DNAJC6: variants seen among roughly 807,000 people sequenced by gnomAD.
The protein encoded by DNAJC6 is auxilin.
DNAJC6 carries 34 observed loss-of-function variants against 110.0 expected under a neutral mutation model. The ratio of observed to expected loss-of-function variants is 0.31; its 90% CI spans 0.24 to 0.41. The LOEUF is 0.41. DNAJC6 is among the 10% of genes least tolerant of loss of function. DNAJC6 has a pLI of 1.00. For missense variants in DNAJC6, 1,031 were observed against 1,207.8 expected, an observed-to-expected ratio of 0.85 and a Z score of 2.17; for synonymous variants, 406 against 437.2, an observed-to-expected ratio of 0.93 and a Z score of 0.89.
chr1:65,309,943 C>T lies in DNAJC6; in HGVS notation c.193+5C>T. 1 of 1,453,842 alleles carries T rather than the reference C, an allele frequency of 6.9e-7. No individual in the cohort carries two copies. Among genetic ancestry groups the T allele is most frequent in the Non-Finnish European group, 9.1e-7 (1 of 1,102,884 alleles). 90.1% of individuals were successfully genotyped at this position (1,453,842 alleles called of 1,614,324 possible). A position where few individuals can be genotyped will look rare whatever the true frequency, so the allele number is the denominator to read the frequency against. On this transcript the variant is annotated splice_donor_5th_base_variant and intron_variant, in intron 1 of 18. Transcript: ENST00000371069. ...CCAGCACCATGGACAGCTCAGGTAGCGCTGCCCGAGGGGAGTGCAGCGCTG... is the reference window on the plus strand; with the variant it reads ...CCAGCACCATGGACAGCTCAGGTAGTGCTGCCCGAGGGGAGTGCAGCGCTG...
At chr1:65,401,077 GA>G (rs1211128582) in intron 14 of DNAJC6, among the ~76,000 whole-genome samples, 4 of 151,962 alleles carry the variant, frequency 2.6e-5, no homozygotes, top group Admixed American at 6.5e-5. Context: ...GTGTTGTTAG[GA>G]TTTTTTTATA....
At chr1:65,384,703 A>G (rs1380679598) in intron 6 of DNAJC6, among the ~76,000 whole-genome samples, 3 of 152,060 alleles carry the variant, frequency 2.0e-5, no homozygotes, top group East Asian at 1.9e-4. Flanking sequence ...CCATGATTCA[A>G]TTACCTCCCA....
chr1:65,384,314 C>T lies in DNAJC6; in HGVS notation c.788C>T (p.Pro263Leu), dbSNP rs1461001065. The T allele has an allele frequency of 1.9e-6, 3 of 1,573,214 alleles. No homozygotes were observed. In the African/African-American group the frequency reaches 4.1e-5, roughly 22 times the overall value. ...YAKRPGIGLS[P>L]SHRRYLGYMC... ...AAGCGACCAGGAATTGGACTTTCAC[C>T]ATCCCATAGGAGGTAAAGTAAGCTA... The change falls in exon 6 of 19, where the codon CCA becomes CTA. Residue 263 changes from proline to leucine, a missense_variant. By Grantham distance (98) the Pro-to-Leu change is moderately conservative. Coordinates refer to ENST00000371069, the MANE Select transcript of DNAJC6 (RefSeq NM_001256864.2).
At chr1:65,335,800 A>T (rs1408413419) in intron 1 of DNAJC6, among the ~76,000 whole-genome samples, 5 of 152,100 alleles carry the variant, frequency 3.3e-5, no homozygotes, top group Admixed American at 6.5e-5. Context: ...GTGAGATGGG[A>T]AATGATTGGA....
At chr1:65,400,418 T>C (rs891283880) in intron 14 of DNAJC6, among the ~76,000 whole-genome samples, 2 of 152,194 alleles carry the variant, frequency 1.3e-5, no homozygotes, top group Admixed American at 6.5e-5. Context: ...AATGGATCTC[T>C]TGACTTATTC....
chr1:65,335,275 A>ATT (rs71056101), intron 1 of DNAJC6, among the ~76,000 whole-genome samples: 66,231 of 146,280 alleles, frequency 0.45, 15,645 homozygotes, highest in Non-Finnish European at 0.55. Flanking sequence ...CGCCCAGCTA[A>ATT]TTTTTTTTTT....
In DNAJC6 at chr1:65,397,361, A is replaced by G. The variant is rs1645989488; in HGVS notation, c.2039-1452A>G. Among the ~76,000 whole-genome samples, 3 of 152,214 alleles carry G rather than the reference A, an allele frequency of 2.0e-5. No homozygotes were observed. In the South Asian group the frequency reaches 6.2e-4, roughly 32 times the overall value. On this transcript the variant is annotated intron_variant, in intron 13 of 18. Coordinates refer to ENST00000371069, the MANE Select transcript of DNAJC6 (RefSeq NM_001256864.2). The stretch of plus-strand genomic sequence containing the variant: ...AAAATACTGCCTTTGGGCTCAACAA[A>G]TATTTATTGAACATCTATTCTGAAG...
At position 65,339,424 on chromosome 1, in the gene DNAJC6, A is replaced by G. The variant is rs12096090; in HGVS notation, c.194-25211A>G. On this transcript the variant is annotated intron_variant, in intron 1 of 18. Transcript: ENST00000371069. ...GACCTCTGCAAGAAAGTGAGCCTCT[A>G]TGTCTATTTCTACATCTACGAATGC... is the stretch of plus-strand genomic sequence containing the variant. 5.0e-3 allele frequency among the ~76,000 whole-genome samples: 764 copies of G among 152,306 alleles called. 7 individuals are homozygous for G. Among genetic ancestry groups the G allele is most frequent in the African/African-American group, 0.018 (741 of 41,570 alleles).
At chr1:65,280,326 A>T (rs900157078) in intron 1 of DNAJC6, among the ~76,000 whole-genome samples, 2 of 150,876 alleles carry the variant, frequency 1.3e-5, no homozygotes, top group African/African-American at 2.4e-5. Context: ...GATTATTCAT[A>T]TTTTTTTTTC....
intron 1 of DNAJC6, among the ~76,000 whole-genome samples, chr1:65,355,871 GAACAGCATGGCT>G: frequency 7.1e-6 from 1 of 140,488 alleles, no homozygotes; most frequent in Non-Finnish European, 1.5e-5. Context: ...CCCTGAAATG[GAACAGCATGGCT>G]TTTTTTTTTT....
intron 1 of DNAJC6, among the ~76,000 whole-genome samples, chr1:65,348,494 A>G (rs1645458278): frequency 6.6e-6 from 1 of 152,166 alleles, no homozygotes; most frequent in Non-Finnish European, 1.5e-5. Flanking sequence ...AATGATATGG[A>G]ATAATTGACC....
rs10493376 is a variant in DNAJC6, at chr1:65,379,919, A to G, written c.666+395A>G. 603 of 154,238 alleles carry G rather than the reference A, an allele frequency of 3.9e-3. 9 individuals are homozygous for G. The highest frequency in any genetic ancestry group is 0.029 in the Admixed American group (445 of 15,398). The allele number at this position is 154,238 out of a possible 1,614,324, so 9.6% of individuals were successfully genotyped here. ...TGAATAAAAATAAAAGAAAAAAGAT[A>G]CCTATGTCCTTGTAAGAAGTCACAT... is the stretch of plus-strand genomic sequence containing the variant. On this transcript the variant is annotated intron_variant, in intron 5 of 18. Coordinates refer to ENST00000371069, the MANE Select transcript of DNAJC6 (RefSeq NM_001256864.2).
intron 1 of DNAJC6, among the ~76,000 whole-genome samples, chr1:65,302,716 T>C (rs1018873397): frequency 1.3e-5 from 2 of 150,982 alleles, no homozygotes; most frequent in Admixed American, 6.6e-5. Flanking sequence ...TTTGTATTTT[T>C]AGTAGAGACG....
At chr1:65,366,322 C>T in intron 4 of DNAJC6, 126 bp downstream of exon 4, 1 of 1,011,854 alleles carries the variant, frequency 9.9e-7, no homozygotes, top group Non-Finnish European at 1.5e-6. Flanking sequence ...CTGGACACTT[C>T]TGTTCACAAA....
At chr1:65,386,494 T>A (rs1645873483) in intron 7 of DNAJC6, among the ~76,000 whole-genome samples, 1 of 152,208 alleles carries the variant, frequency 6.6e-6, no homozygotes, top group Non-Finnish European at 1.5e-5. Context: ...GCTTTTAGTA[T>A]TAATTTAAAG....
chr1:65,318,545 C>G (rs1044015080), intron 1 of DNAJC6, among the ~76,000 whole-genome samples: 1 of 152,166 alleles, frequency 6.6e-6, no homozygotes, highest in Non-Finnish European at 1.5e-5. Context: ...AGATCATGAC[C>G]TTTGCAGGGA....
intron 1 of DNAJC6, among the ~76,000 whole-genome samples, chr1:65,332,723 T>G (rs1645299986): frequency 6.6e-6 from 1 of 152,232 alleles, no homozygotes; most frequent in Admixed American, 6.5e-5. Flanking sequence ...GACAGTGTTT[T>G]TTTTGTTTTG....
At chr1:65,364,872 A>C (rs547038443) in intron 2 of DNAJC6, 87 bp downstream of exon 2, 226 of 1,514,112 alleles carry the variant, frequency 1.5e-4, no homozygotes, top group Non-Finnish European at 1.9e-4. Context: ...TGGCTCAAAG[A>C]GTGTCAATTT....
chr1:65,402,435 A>C (rs1374476719), intron 15 of DNAJC6, among the ~76,000 whole-genome samples: 2 of 152,238 alleles, frequency 1.3e-5, no homozygotes, highest in Non-Finnish European at 1.5e-5. Flanking sequence ...TTCTGAGAGC[A>C]GGTGAGATTG....
Sources: allele counts gnomAD v4.1 joint callset (sites outside exome capture counted in the v4.1 genomes callset), GRCh38; gene constraint gnomAD v4.1.1; transcripts MANE v1.5; gene names NCBI Gene and HGNC (gene_info 2026-07-23, HGNC 2026-07-21).